Variants in NRXN1 observed in about 807,000 individuals in gnomAD.
NRXN1 encodes the protein neurexin-1.
Under a neutral mutation model 150.9 loss-of-function variants are expected in NRXN1, and 39 were observed. That is an observed-to-expected ratio of 0.26 (90% CI 0.20 to 0.34). The LOEUF is 0.34. NRXN1 is among the 10% of genes least tolerant of loss of function. The probability of loss-of-function intolerance (pLI) is 1.00; values close to 1 mark genes in which losing one functional copy is unlikely to be tolerated. For missense variants in NRXN1, 1,815 were observed against 1,949.9 expected (o/e 0.93, Z 1.30); for synonymous variants, 924 against 757.0 (o/e 1.22, Z -3.62).
chr2:50,485,976 T>C (rs2104822968), intron 15 of NRXN1, among the ~76,000 whole-genome samples: 1 of 152,348 alleles, frequency 6.6e-6, no homozygotes, highest in African/African-American at 2.4e-5. Context: ...CTTTGATTAG[T>C]AACTCAGATT....
At chr2:50,608,944 C>T (rs1366228956) in intron 8 of NRXN1, among the ~76,000 whole-genome samples, 1 of 151,854 alleles carries the variant, frequency 6.6e-6, no homozygotes, top group Non-Finnish European at 1.5e-5. Flanking sequence ...TACAAGGTAC[C>T]CATATTTAAA....
intron 21 of NRXN1, chr2:49,945,113 C>T (rs1221149625): frequency 6.6e-6 from 1 of 152,082 alleles, no homozygotes; most frequent in Non-Finnish European, 1.5e-5. Flanking sequence ...AAACACAAAC[C>T]TTTAAATAGC....
In NRXN1 at chr2:49,919,573, C is replaced by A. The variant is rs1445476617; in HGVS notation, c.*2371G>T. The A allele has an allele frequency of 1.3e-5, 2 of 151,540 alleles. No individual in the cohort carries two copies. The highest frequency in any genetic ancestry group is 4.8e-5 in the African/African-American group (2 of 41,406). 9.4% of individuals were successfully genotyped at this position (151,540 alleles called of 1,614,324 possible). A position where few individuals can be genotyped will look rare whatever the true frequency, so the allele number is the denominator to read the frequency against. Reference sequence around the variant, plus strand: ...AAAAGCAATCTTAAAAAAAAAAACCCTTCAAGCTGTAAATTAGTAGTTTTA... The same window carrying A: ...AAAAGCAATCTTAAAAAAAAAAACCATTCAAGCTGTAAATTAGTAGTTTTA... On this transcript the variant is annotated 3_prime_UTR_variant, in exon 23 of 23. Transcript: ENST00000401669.
At chr2:50,560,885 C>T (rs1348260030) in intron 8 of NRXN1, among the ~76,000 whole-genome samples, 1 of 152,004 alleles carries the variant, frequency 6.6e-6, no homozygotes, top group Admixed American at 6.6e-5. Flanking sequence ...TCTCCAAACC[C>T]AAATACCAAA....
At chr2:50,586,670 A>C (rs543589841) in intron 8 of NRXN1, among the ~76,000 whole-genome samples, 1 of 152,172 alleles carries the variant, frequency 6.6e-6, no homozygotes, top group African/African-American at 2.4e-5. Context: ...ATTTTCCATT[A>C]AACTCAAGCC....
intron 5 of NRXN1, among the ~76,000 whole-genome samples, chr2:50,746,841 G>C (rs186535159): frequency 2.0e-5 from 3 of 152,050 alleles, no homozygotes; most frequent in Admixed American, 6.6e-5. Flanking sequence ...AAATGAGAAG[G>C]ACCGTTTCAA....
rs938974800 is a variant in NRXN1, at chr2:50,433,601, T to C, written c.3364+31841A>G. ...TTTCTGATTTCTTCCCAGGGAGTTA[T>C]GGGCAGCGAAAACGTAGTAGAAGTA... On this transcript the variant is annotated intron_variant, in intron 17 of 22. Transcript: ENST00000401669. Among the ~76,000 whole-genome samples, 8 of 150,270 alleles carry C rather than the reference T, an allele frequency of 5.3e-5. 1 individual carries two copies. The highest frequency in any genetic ancestry group is 1.5e-4 in the African/African-American group (6 of 40,478).
intron 18 of NRXN1, among the ~76,000 whole-genome samples, chr2:50,176,906 A>T (rs1218042325): frequency 6.6e-6 from 1 of 152,144 alleles, no homozygotes; most frequent in Non-Finnish European, 1.5e-5. Flanking sequence ...AAACTAAGAA[A>T]GGTGGTAATC....
Position 50,352,158 on chromosome 2 carries a change from C to T in NRXN1, c.3364+113284G>A, listed in dbSNP as rs368579417. Among the ~76,000 whole-genome samples the T allele has an allele frequency of 8.6e-5, 13 of 151,940 alleles. No individual in the cohort carries two copies. In the East Asian group the frequency reaches 1.7e-3, roughly 20 times the overall value. On this transcript the variant is annotated intron_variant, in intron 17 of 22. Transcript: ENST00000401669. ...CATGAACAAGAATACAGGGAGCCTA[C>T]GTTGAACAACAGTTAAGAAATGAGA... is the stretch of plus-strand genomic sequence containing the variant.
At chr2:50,758,434 G>C (rs912200600) in intron 5 of NRXN1, among the ~76,000 whole-genome samples, 46 of 151,738 alleles carry the variant, frequency 3.0e-4, no homozygotes, top group African/African-American at 1.1e-3. Flanking sequence ...AGAAACAAAG[G>C]CTGATTATAT....
At chr2:50,777,933 A>G (rs1703862320) in intron 5 of NRXN1, among the ~76,000 whole-genome samples, 1 of 152,198 alleles carries the variant, frequency 6.6e-6, no homozygotes, top group African/African-American at 2.4e-5. Context: ...AGACAATTTA[A>G]TACAAATATT....
At chr2:50,903,178 T>TA (rs1434725410) in intron 5 of NRXN1, among the ~76,000 whole-genome samples, 1 of 152,124 alleles carries the variant, frequency 6.6e-6, no homozygotes, top group Non-Finnish European at 1.5e-5. Context: ...TTTTAAAAGA[T>TA]AAACTAAAAT....
intron 17 of NRXN1, among the ~76,000 whole-genome samples, chr2:50,391,090 C>T (rs2081658349): frequency 6.6e-6 from 1 of 151,940 alleles, no homozygotes; most frequent in Non-Finnish European, 1.5e-5. Context: ...AGAATTTTGG[C>T]CTCCCTAGTA....
At chr2:50,066,328 TA>T (rs1419652198) in intron 19 of NRXN1, among the ~76,000 whole-genome samples, 12 of 152,052 alleles carry the variant, frequency 7.9e-5, no homozygotes, top group Admixed American at 6.6e-4. Context: ...AGTTAAAAAA[TA>T]AAAGATTTAA....
chr2:49,922,231 C>T lies in NRXN1; in HGVS notation c.4237G>A (p.Gly1413Ser), dbSNP rs200604893. 5.2e-5 allele frequency: 84 copies of T among 1,613,810 alleles called. No homozygotes were observed. Among genetic ancestry groups the T allele is most frequent in the Middle Eastern group, 3.3e-4 (2 of 6,082 alleles). ...GGLANPTRAG[G>S]REPYPGSAEV... ...GCTGAGCCTGGATACGGCTCTCTGC[C>T]GCCTGCTCGGGTTGGGTTGGCTATA... Residue 1413 changes from glycine (G) to serine (S), a missense_variant, in exon 23 of 23, where the codon GGC becomes AGC. Coordinates refer to ENST00000401669, the MANE Select transcript of NRXN1 (RefSeq NM_001330078.2).
intron 18 of NRXN1, among the ~76,000 whole-genome samples, chr2:50,148,789 A>T (rs1431096606): frequency 2.0e-5 from 3 of 151,690 alleles, no homozygotes; most frequent in Non-Finnish European, 3.0e-5. Context: ...ATTAAATACC[A>T]GCCATTCTAA....
intron 5 of NRXN1, among the ~76,000 whole-genome samples, chr2:50,754,683 CA>C (rs1700979381): frequency 6.6e-6 from 1 of 151,662 alleles, no homozygotes; most frequent in African/African-American, 2.4e-5. Flanking sequence ...TCCAGCTTTC[CA>C]AAAACTGAAA....
chr2:50,066,715 A>G (rs1695416980), intron 19 of NRXN1, among the ~76,000 whole-genome samples: 1 of 152,174 alleles, frequency 6.6e-6, no homozygotes, highest in Admixed American at 6.5e-5. Context: ...AAAAAGAAAA[A>G]ACTCTCATAA....
chr2:50,779,690 C>T (rs575571988), intron 5 of NRXN1, among the ~76,000 whole-genome samples: 2 of 152,206 alleles, frequency 1.3e-5, no homozygotes, highest in African/African-American at 4.8e-5. Context: ...ATGGCGTGAA[C>T]CTGGGAGGTG....
Sources: gnomAD v4.1 joint callset for allele counts (sites outside exome capture counted in the v4.1 genomes callset) on GRCh38, gnomAD v4.1.1 for gene constraint, MANE v1.5 for transcripts, NCBI Gene and HGNC (gene_info 2026-07-23, HGNC 2026-07-21) for gene names.